Variants in ARHGEF18 observed in about 807,000 individuals in gnomAD.
ARHGEF18 encodes Rho/Rac guanine nucleotide exchange factor 18, also known as rho guanine nucleotide exchange factor 18.
In ARHGEF18, 93 loss-of-function variants were observed where a neutral mutation model predicts 155.7. The observed-to-expected ratio is 0.60, with a 90% confidence interval of 0.50 to 0.71. ARHGEF18 has a LOEUF of 0.71. ARHGEF18 is among the 30% of genes least tolerant of loss of function. The pLI is 0.00. For synonymous variants in ARHGEF18, 742 were observed against 753.1 expected (o/e 0.99, Z 0.24); for missense variants, 1,593 against 1,816.1 (o/e 0.88, Z 2.23).
chr19:7,358,198 T>A (rs1969393829), intron 1 of ARHGEF18, among the ~76,000 whole-genome samples: 1 of 66,340 alleles, frequency 1.5e-5, no homozygotes. Flanking sequence ...ATCAGCCAAC[T>A]CTTCAACCAT....
intron 27 of ARHGEF18, 77 bp from the exon 28 acceptor site, chr19:7,469,827 C>G: frequency 1.3e-6 from 2 of 1,554,056 alleles, no homozygotes; most frequent in South Asian, 1.2e-5. Flanking sequence ...CCAGGCCCCT[C>G]TGCTCTCGGA....
chr19:7,410,732 C>T (rs1972622918), intron 10 of ARHGEF18, among the ~76,000 whole-genome samples: 1 of 144,042 alleles, frequency 6.9e-6, no homozygotes, highest in Admixed American at 7.6e-5. Context: ...ATCGCTTGAA[C>T]CTGAGAAGCA....
At chr19:7,469,568 G>A (rs1252469552) in intron 27 of ARHGEF18, among the ~76,000 whole-genome samples, 1 of 152,176 alleles carries the variant, frequency 6.6e-6, no homozygotes, top group Non-Finnish European at 1.5e-5. Flanking sequence ...AGCTCCTCTG[G>A]GGGACACCTC....
In ARHGEF18 at chr19:7,470,019, G is replaced by A. The variant is rs1415418528; in HGVS notation, c.3903G>A (p.Ala1301=). The change falls in exon 28 of 29, where the codon GCG becomes GCA. Residue 1301 remains alanine, a synonymous_variant. Transcript: ENST00000668164. This position sits in a 1 kb window ranked among gnomAD's most constrained non-coding sequence, Gnocchi z 5.9. ...SPILPGRHSP[A]PPPDPGFPAP... ...TCCTGCCCGGCAGACACAGTCCTGC[G>A]CCCCCACCAGGTGAGCCCCCACCCC... 5.0e-6 allele frequency: 8 copies of A among 1,612,762 alleles called. No homozygotes were observed. The highest frequency in any genetic ancestry group is 1.7e-5 in the Admixed American group (1 of 59,964).
chr19:7,428,105 G>A (rs11668246), intron 10 of ARHGEF18, among the ~76,000 whole-genome samples: 45,755 of 152,098 alleles, frequency 0.3, 7,381 homozygotes, highest in Middle Eastern at 0.54. Context: ...TAGCTCAACA[G>A]TTAATTCCTG....
rs562334063 is a variant in ARHGEF18 at position 7,409,341 on chromosome 19, A to C, written c.967+26138A>C. 2.9e-3 allele frequency among the ~76,000 whole-genome samples: 434 copies of C among 150,898 alleles called. 3 individuals carry two copies. The highest frequency in any genetic ancestry group is 6.9e-3 in the Middle Eastern group (2 of 290). On this transcript the variant is annotated intron_variant, in intron 10 of 28. Coordinates refer to ENST00000668164, the MANE Select transcript of ARHGEF18 (RefSeq NM_001367823.1). ...ACCCTGTTTCTTAAAAAAAAAAAAA[A>C]AAAAAAGACTTAATGGCAGTCCCAG...
rs772153834 is a variant in ARHGEF18, at chr19:7,468,967, G to A, written c.3623G>A (p.Arg1208Gln). 10 of 1,588,734 alleles carry A rather than the reference G, an allele frequency of 6.3e-6. No homozygotes were observed. The highest frequency in any genetic ancestry group is 1.8e-5 in the Admixed American group (1 of 56,722). The change falls in exon 27 of 29, where the codon CGG (arginine) becomes CAG (glutamine). Residue 1208 changes from arginine (R) to glutamine (Q), a missense_variant. Coordinates refer to ENST00000668164, the MANE Select transcript of ARHGEF18 (RefSeq NM_001367823.1). ...ARRDSAPTEN[R>Q]LAKSDVPIQL... ...CGGGACAGCGCCCCCACCGAGAACC[G>A]GCTGGCCAAGAGCGATGTGCCCATC...
rs1434928889 is a variant in ARHGEF18, at chr19:7,462,343, G to T, written c.2635+9G>T. 10 of 1,578,038 alleles carry T rather than the reference G, an allele frequency of 6.3e-6. No individual in the cohort carries two copies. Among genetic ancestry groups the T allele is most frequent in the Non-Finnish European group, 8.6e-6 (10 of 1,163,302 alleles). ...GTCGGCCATGAGCGAGAGTAAGTTG[G>T]CTGCCCACACCTCAAGGGTGCAGTC... On this transcript the variant is annotated intron_variant, in intron 21 of 28. Transcript: ENST00000668164. The surrounding 1 kb of genome is among the most constrained non-coding windows in gnomAD (Gnocchi z 4.4).
intron 10 of ARHGEF18, among the ~76,000 whole-genome samples, chr19:7,434,167 A>G (rs1244238929): frequency 6.6e-6 from 1 of 151,968 alleles, no homozygotes; most frequent in African/African-American, 2.4e-5. Flanking sequence ...AAAAAAACAA[A>G]AAATTTATAG....
At chr19:7,433,531 A>C (rs1974087374) in intron 10 of ARHGEF18, among the ~76,000 whole-genome samples, 1 of 150,748 alleles carries the variant, frequency 6.6e-6, no homozygotes, top group African/African-American at 2.4e-5. Context: ...AAAAAAAAAA[A>C]AGTGTATCAG....
intron 10 of ARHGEF18, among the ~76,000 whole-genome samples, chr19:7,408,288 A>G (rs1268806753): frequency 6.6e-6 from 1 of 152,152 alleles, no homozygotes; most frequent in African/African-American, 2.4e-5. Context: ...AAAAAAAGAG[A>G]AAGAGCCAGA....
Position 7,458,632 on chromosome 19 carries a change from A to G in ARHGEF18, c.2302A>G (p.Thr768Ala). Residue 768 changes from threonine to alanine, a missense_variant, in exon 19 of 29, where the codon ACG (threonine) becomes GCG (alanine). Coordinates refer to ENST00000668164, the MANE Select transcript of ARHGEF18 (RefSeq NM_001367823.1). ...LQGPEMYEIY[T>A]SSKEDRNAWM... ...AGGGCCGGAGATGTATGAAATCTAC[A>G]CGAGCTCCAAAGAGGACAGGAACGC... 1 of 1,614,196 alleles carries G rather than the reference A, an allele frequency of 6.2e-7. No individual in the cohort carries two copies. Among genetic ancestry groups the G allele is most frequent in the Non-Finnish European group, 8.5e-7 (1 of 1,180,032 alleles).
In ARHGEF18 at chr19:7,440,533, G is replaced by T; in HGVS notation, c.1106+51G>T. 1 of 1,550,368 alleles carries T rather than the reference G, an allele frequency of 6.5e-7. No individual in the cohort carries two copies. Among genetic ancestry groups the T allele is most frequent in the Non-Finnish European group, 8.7e-7 (1 of 1,153,534 alleles). ...TCGGGTGGGTGGTGGCATTCCCCGG[G>T]GAGCTGTTGACAGCCTCTTCGGAGG... On this transcript the variant is annotated intron_variant, in intron 11 of 28. Coordinates refer to ENST00000668164, the MANE Select transcript of ARHGEF18 (RefSeq NM_001367823.1). The surrounding 1 kb of genome is among the most constrained non-coding windows in gnomAD (Gnocchi z 5.4).
intron 10 of ARHGEF18, among the ~76,000 whole-genome samples, chr19:7,393,002 G>A (rs1971486436): frequency 7.6e-6 from 1 of 132,102 alleles, no homozygotes; most frequent in South Asian, 2.4e-4. Context: ...AGCTATGATT[G>A]TGCCACTGCA....
At chr19:7,362,991 G>A (rs1040095707) in intron 2 of ARHGEF18, 86 bp downstream of exon 2, 4 of 1,222,686 alleles carry the variant, frequency 3.3e-6, no homozygotes, top group Admixed American at 4.2e-5. Flanking sequence ...ATTTTACCAG[G>A]CACTTTGTGT....
chr19:7,398,708 T>TAAAG (rs765554342), intron 10 of ARHGEF18, among the ~76,000 whole-genome samples: 10 of 147,758 alleles, frequency 6.8e-5, no homozygotes, highest in African/African-American at 1.5e-4. Context: ...AAAAAAAAAA[T>TAAAG]AAAGAAAGAA....
At chr19:7,397,986 TGA>T (rs1971818800) in intron 10 of ARHGEF18, among the ~76,000 whole-genome samples, 1 of 152,184 alleles carries the variant, frequency 6.6e-6, no homozygotes, top group Admixed American at 6.5e-5. Context: ...ACCACAAAAA[TGA>T]GAGCTATGCG....
chr19:7,396,433 A>G (rs527476311), intron 10 of ARHGEF18, among the ~76,000 whole-genome samples: 3 of 152,198 alleles, frequency 2.0e-5, no homozygotes, highest in African/African-American at 7.2e-5. Flanking sequence ...AGGTGTCAGG[A>G]GAGGCTGGGC....
chr19:7,435,031 A>G (rs6603062), intron 10 of ARHGEF18, among the ~76,000 whole-genome samples: 61,277 of 151,838 alleles, frequency 0.4, 12,990 homozygotes, highest in East Asian at 0.6. Flanking sequence ...GCAAAACCCC[A>G]TCTCTACTAA....
Sources: allele counts gnomAD v4.1 joint callset (sites outside exome capture counted in the v4.1 genomes callset), GRCh38; gene constraint gnomAD v4.1.1; non-coding constraint Gnocchi (gnomAD v3.1); transcripts MANE v1.5; gene names NCBI Gene and HGNC (gene_info 2026-07-23, HGNC 2026-07-21).